AOAH: variants seen among roughly 807,000 people sequenced by gnomAD.
AOAH encodes the protein acyloxyacyl hydrolase (neutrophil).
A neutral mutation model predicts 92.2 loss-of-function variants in AOAH; 64 were observed. That is an observed-to-expected ratio of 0.69 (90% CI 0.57 to 0.86). The LOEUF (loss-of-function observed/expected upper bound fraction) is 0.86. Ranked by LOEUF, AOAH falls within the 40% of genes least tolerant of loss-of-function variation. The pLI is 0.00. For missense variants in AOAH, 656 were observed against 694.6 expected, an observed-to-expected ratio of 0.94 and a Z score of 0.62; for synonymous variants, 263 against 254.5, an observed-to-expected ratio of 1.03 and a Z score of -0.32.
intron 11 of AOAH, among the ~76,000 whole-genome samples, chr7:36,599,374 C>A (rs1790377347): frequency 6.6e-6 from 1 of 152,176 alleles, no homozygotes; most frequent in African/African-American, 2.4e-5. Context: ...AGTCTTCCAG[C>A]AAAGCAGGGA....
intron 2 of AOAH, among the ~76,000 whole-genome samples, chr7:36,677,519 C>A (rs1796331125): frequency 6.6e-6 from 1 of 152,136 alleles, no homozygotes. Context: ...TTGTAACCAG[C>A]CTACCAGCTC....
chr7:36,678,727 C>T (rs1301363511), intron 2 of AOAH, among the ~76,000 whole-genome samples: 1 of 152,060 alleles, frequency 6.6e-6, no homozygotes, highest in African/African-American at 2.4e-5. Flanking sequence ...GCTTGAGAGG[C>T]CCCTGGAGCA....
At chr7:36,535,000 G>T (rs1784931770) in intron 16 of AOAH, among the ~76,000 whole-genome samples, 1 of 121,336 alleles carries the variant, frequency 8.2e-6, no homozygotes. Flanking sequence ...GTGTCTGCTT[G>T]TGTGTATCTG....
intron 6 of AOAH, among the ~76,000 whole-genome samples, chr7:36,630,459 T>TGAGTC (rs1182277866): frequency 1.3e-5 from 2 of 152,222 alleles, no homozygotes; most frequent in Admixed American, 1.3e-4. Flanking sequence ...AACATTATTC[T>TGAGTC]GAGTCATTAA....
At chr7:36,638,085 T>G (rs939450795) in intron 4 of AOAH, among the ~76,000 whole-genome samples, 175 bp from the exon 5 acceptor site, 5 of 152,270 alleles carry the variant, frequency 3.3e-5, no homozygotes, top group African/African-American at 4.8e-5. Flanking sequence ...CTTTTTATTT[T>G]GGGCTTTGCT....
chr7:36,564,736 T>A lies in AOAH; in HGVS notation c.1021+11838A>T, dbSNP rs536404467. Among the ~76,000 whole-genome samples the A allele has an allele frequency of 9.7e-4, 148 of 152,374 alleles. 2 individuals are homozygous for A. The highest frequency in any genetic ancestry group is 6.8e-3 in the Middle Eastern group (2 of 294). On this transcript the variant is annotated intron_variant, in intron 13 of 20. Coordinates refer to ENST00000617537, the MANE Select transcript of AOAH (RefSeq NM_001637.4). Reference sequence around the variant, plus strand: ...CTTCTGAATTTTCCCTCTGTAGTTGTGCTGTTTCAAGCAGTGCAGGATAAA... The same window carrying A: ...CTTCTGAATTTTCCCTCTGTAGTTGAGCTGTTTCAAGCAGTGCAGGATAAA...
At chr7:36,627,222 C>T (rs530667500) in intron 6 of AOAH, among the ~76,000 whole-genome samples, 89 of 151,968 alleles carry the variant, frequency 5.9e-4, no homozygotes, top group Non-Finnish European at 9.7e-4. Flanking sequence ...ATGCTGTAAG[C>T]GGGTTGTGCA....
chr7:36,557,113 C>A (rs1221032409), intron 13 of AOAH, among the ~76,000 whole-genome samples: 2 of 152,168 alleles, frequency 1.3e-5, no homozygotes, highest in Non-Finnish European at 2.9e-5. Flanking sequence ...GATTTTGCAG[C>A]AGCTGGTACC....
At chr7:36,636,692 T>G (rs1252868381) in intron 5 of AOAH, among the ~76,000 whole-genome samples, 1 of 152,248 alleles carries the variant, frequency 6.6e-6, no homozygotes, top group East Asian at 1.9e-4. Flanking sequence ...TCACTTAACA[T>G]GTATTTATTG....
At chr7:36,668,190 T>C (rs1395597259) in intron 3 of AOAH, among the ~76,000 whole-genome samples, 2 of 148,956 alleles carry the variant, frequency 1.3e-5, no homozygotes, top group African/African-American at 4.9e-5. Flanking sequence ...ACATGAGAGG[T>C]TTTTGTGTGT....
At chr7:36,540,889 A>G (rs1785380656) in intron 15 of AOAH, among the ~76,000 whole-genome samples, 1 of 152,208 alleles carries the variant, frequency 6.6e-6, no homozygotes, top group Admixed American at 6.5e-5. Flanking sequence ...TGTGAGAGAG[A>G]CGTAAACATT....
intron 5 of AOAH, among the ~76,000 whole-genome samples, chr7:36,632,589 T>G (rs1225185511): frequency 6.6e-6 from 1 of 152,152 alleles, no homozygotes; most frequent in East Asian, 1.9e-4. Context: ...AGCTGTGGGT[T>G]TCTAGACAGC....
intron 1 of AOAH, among the ~76,000 whole-genome samples, chr7:36,687,191 C>T (rs1481090825): frequency 6.6e-6 from 1 of 152,172 alleles, no homozygotes; most frequent in Admixed American, 6.5e-5. Context: ...TAATCTTGAA[C>T]TCACCATGTG....
chr7:36,548,668 C>T lies in AOAH; in HGVS notation c.1077G>A (p.Val359=), dbSNP rs765643224. Residue 359 remains valine, a synonymous_variant, in exon 15 of 21, where the codon GTG becomes GTA. Coordinates refer to ENST00000617537, the MANE Select transcript of AOAH (RefSeq NM_001637.4). ...ATATAACGATGGCGGGATAGTCCAACACCTTGTTTCTAGACAAGCTGAGAA... is the reference window on the plus strand; with the variant it reads ...ATATAACGATGGCGGGATAGTCCAATACCTTGTTTCTAGACAAGCTGAGAA... ...KFIESLSRNK[V]LDYPAIVIYA... 5.0e-6 allele frequency: 8 copies of T among 1,613,534 alleles called. No individual in the cohort carries two copies. Among genetic ancestry groups the T allele is most frequent in the Non-Finnish European group, 6.8e-6 (8 of 1,179,690 alleles).
chr7:36,535,086 CTGTG>C (rs1417012718), intron 16 of AOAH, among the ~76,000 whole-genome samples: 16 of 97,280 alleles, frequency 1.6e-4, no homozygotes, highest in African/African-American at 3.7e-4. Flanking sequence ...GTCTGTGTCT[CTGTG>C]TGTGTGTTTG....
intron 16 of AOAH, among the ~76,000 whole-genome samples, chr7:36,536,449 T>A (rs944643659): frequency 2.0e-5 from 3 of 152,078 alleles, no homozygotes; most frequent in East Asian, 3.9e-4. Flanking sequence ...GACTTGAGTG[T>A]CCAGCTGCTG....
chr7:36,541,752 G>A (rs1170309013), intron 15 of AOAH, among the ~76,000 whole-genome samples: 1 of 152,184 alleles, frequency 6.6e-6, no homozygotes. Flanking sequence ...GGGTGCTAAA[G>A]TATTTTTGGC....
intron 16 of AOAH, among the ~76,000 whole-genome samples, chr7:36,537,068 A>C (rs1297416125): frequency 1.3e-5 from 2 of 151,856 alleles, no homozygotes; most frequent in Admixed American, 1.3e-4. Flanking sequence ...GATGCCGGAT[A>C]AATCCCACCT....
At chr7:36,534,970 C>CTGTG (rs1784925809) in intron 16 of AOAH, among the ~76,000 whole-genome samples, 2 of 131,714 alleles carry the variant, frequency 1.5e-5, no homozygotes, top group African/African-American at 2.8e-5. Context: ...GTGTCTGTGT[C>CTGTG]TCTGTGTGTG....
Sources: allele counts gnomAD v4.1 joint callset (sites outside exome capture counted in the v4.1 genomes callset), GRCh38; gene constraint gnomAD v4.1.1; transcripts MANE v1.5; gene names NCBI Gene and HGNC (gene_info 2026-07-23, HGNC 2026-07-21).